SATB1: variants seen among roughly 807,000 people sequenced by gnomAD.
SATB1 encodes DNA-binding protein SATB1.
In SATB1, 11 loss-of-function variants were observed where a neutral mutation model predicts 86.9. The observed-to-expected ratio is 0.13, with a 90% confidence interval of 0.08 to 0.21. The LOEUF is 0.21. Ranked by LOEUF, SATB1 falls within the 10% of genes least tolerant of loss-of-function variation. The pLI, the probability that SATB1 is intolerant of heterozygous loss-of-function variation, is 1.00. For missense variants in SATB1, 551 were observed against 937.6 expected (o/e 0.59, Z 5.39); for synonymous variants, 357 against 357.2 (o/e 1.00, Z 0.01).
chr3:18,443,167 G>A (rs1002456387), upstream of SATB1, among the ~76,000 whole-genome samples: 6 of 152,214 alleles, frequency 3.9e-5, no homozygotes, highest in Non-Finnish European at 1.5e-5. This position sits in a 1 kb window ranked among gnomAD's most constrained non-coding sequence, Gnocchi z 4.4. Context: ...TACTCTGTCA[G>A]CAGTACAAAC....
chr3:18,392,653 TAACTC>T (rs918137921), intron 7 of SATB1, among the ~76,000 whole-genome samples: 4 of 151,964 alleles, frequency 2.6e-5, no homozygotes, highest in Non-Finnish European at 1.5e-5. Flanking sequence ...TGTGGGCTTT[TAACTC>T]AATTCAAAAA....
intron 9 of SATB1, among the ~76,000 whole-genome samples, chr3:18,366,527 A>G (rs781675637): frequency 1.3e-5 from 2 of 152,212 alleles, no homozygotes; most frequent in Non-Finnish European, 2.9e-5. Flanking sequence ...CAAACAAAAA[A>G]GAGACATATT....
At chr3:18,407,346 AT>A (rs1363727522) in intron 5 of SATB1, among the ~76,000 whole-genome samples, 1 of 151,832 alleles carries the variant, frequency 6.6e-6, no homozygotes, top group Non-Finnish European at 1.5e-5. Flanking sequence ...TAGTCTTTTA[AT>A]TTTTTCACAA....
At chr3:18,366,463 A>G (rs1351154487) in intron 9 of SATB1, among the ~76,000 whole-genome samples, 1 of 152,066 alleles carries the variant, frequency 6.6e-6, no homozygotes, top group Non-Finnish European at 1.5e-5. Context: ...CAATCAATCA[A>G]TCAATCAATC....
At chr3:18,390,467 C>T (rs1011065965) in intron 7 of SATB1, among the ~76,000 whole-genome samples, 5 of 152,298 alleles carry the variant, frequency 3.3e-5, no homozygotes, top group African/African-American at 9.6e-5. Context: ...TTATCTCTGT[C>T]GTTTGGCAGG....
chr3:18,370,514 GC>G (rs1376190607), intron 9 of SATB1, among the ~76,000 whole-genome samples: 521 of 13,250 alleles, frequency 0.039, 5 homozygotes, highest in Non-Finnish European at 0.06. Flanking sequence ...ACTGAGAGAG[GC>G]AAAAAAAAAA....
chr3:18,428,101 G>A (rs1023881923), upstream of SATB1, among the ~76,000 whole-genome samples: 1 of 152,150 alleles, frequency 6.6e-6, no homozygotes, highest in South Asian at 2.1e-4. Context: ...ACCTGAAATT[G>A]GGTAATTTAT....
At chr3:18,385,161 G>A (rs929315927) in intron 8 of SATB1, among the ~76,000 whole-genome samples, 10 of 152,240 alleles carry the variant, frequency 6.6e-5, no homozygotes, top group African/African-American at 2.4e-4. Context: ...ACATGAAAAT[G>A]TATAACCACT....
chr3:18,376,033 T>C (rs1695733149), intron 9 of SATB1, among the ~76,000 whole-genome samples: 1 of 152,128 alleles, frequency 6.6e-6, no homozygotes, highest in African/African-American at 2.4e-5. Context: ...CTTATTTACA[T>C]TGCTGAAATA....
chr3:18,357,615 G>A (rs1239224735), intron 9 of SATB1, among the ~76,000 whole-genome samples: 1 of 148,526 alleles, frequency 6.7e-6, no homozygotes, highest in East Asian at 2.0e-4. Flanking sequence ...TGTTCTACAA[G>A]CTGGGGGAAA....
At position 18,363,942 on chromosome 3, in the gene SATB1, G is replaced by A. The variant is rs528744925; in HGVS notation, c.1576-11747C>T. 2.0e-5 allele frequency among the ~76,000 whole-genome samples: 3 copies of A among 152,284 alleles called. No homozygotes were observed. The South Asian group carries it at 6.2e-4, about 32-fold the overall frequency. On this transcript the variant is annotated intron_variant, in intron 9 of 10. Coordinates refer to ENST00000338745, the MANE Select transcript of SATB1 (RefSeq NM_002971.6). ...TGCATGTGGGCATGCGAATATCAGA[G>A]AAAAGGTTGTCTGGAAGGTTTCTGT...
rs777966686 is a variant in SATB1, at chr3:18,352,277, C to A, written c.1576-82G>T. 6 of 1,238,678 alleles carry A rather than the reference C, an allele frequency of 4.8e-6. No individual in the cohort carries two copies. The Admixed American group carries it at 7.9e-5, about 16-fold the overall frequency. The allele number at this position is 1,238,678 out of a possible 1,614,324, so 76.7% of individuals were successfully genotyped here. ...CCATTAGGAGCTAAAAAGGAAAAAC[C>A]CTATGAATTAACTTTTTCATAAGCT... is the stretch of plus-strand genomic sequence containing the variant. On this transcript the variant is annotated intron_variant, in intron 9 of 10. Transcript: ENST00000338745. This position sits in a 1 kb window ranked among gnomAD's most constrained non-coding sequence, Gnocchi z 4.1.
Position 18,444,057 on chromosome 3 carries a change from C to G in SATB1, c.-25+1461G>C, listed in dbSNP as rs1699311889. On this transcript the variant is annotated intron_variant, in intron 1 of 3. Coordinates refer to the SATB1 transcript ENST00000415069. This position sits in a 1 kb window ranked among gnomAD's most constrained non-coding sequence, Gnocchi z 5.1. ...CTCTTCGCCGATGCTTACAATCAGC[C>G]GCGCAGGCAGGGAGCGGAGGGAGGC... is the stretch of plus-strand genomic sequence containing the variant. Among the ~76,000 whole-genome samples, 1 of 152,140 alleles carries G rather than the reference C, an allele frequency of 6.6e-6. No individual in the cohort carries two copies. The highest frequency in any genetic ancestry group is 6.5e-5 in the Admixed American group (1 of 15,274).
chr3:18,427,039 C>G (rs1415191362), upstream of SATB1, among the ~76,000 whole-genome samples: 2 of 152,132 alleles, frequency 1.3e-5, no homozygotes, highest in Non-Finnish European at 2.9e-5. Flanking sequence ...AAACCCAAGC[C>G]TTGAGCAAAA....
intron 6 of SATB1, 131 bp downstream of exon 6, chr3:18,397,048 C>A: frequency 1.6e-6 from 1 of 629,494 alleles, no homozygotes; most frequent in South Asian, 1.9e-5. Context: ...CCACTTCCCA[C>A]CCCCAAAGAA....
At chr3:18,353,734 A>G (rs1030032976) in intron 9 of SATB1, among the ~76,000 whole-genome samples, 5 of 152,212 alleles carry the variant, frequency 3.3e-5, no homozygotes, top group Non-Finnish European at 5.9e-5. Flanking sequence ...CCTCCTTGAA[A>G]TATTTTAAAA....
At chr3:18,433,155 A>G (rs1212931436) in intron 2 of SATB1, among the ~76,000 whole-genome samples, 1 of 152,216 alleles carries the variant, frequency 6.6e-6, no homozygotes, top group African/African-American at 2.4e-5. Flanking sequence ...AGAAAGGCGC[A>G]TAGACAAAAA....
intron 2 of SATB1, among the ~76,000 whole-genome samples, chr3:18,433,800 T>C (rs947024282): frequency 6.2e-4 from 94 of 152,096 alleles, no homozygotes; most frequent in African/African-American, 2.2e-3. Context: ...TCTTTATTAA[T>C]GTGTTCATTT....
In SATB1 at chr3:18,363,860, G is replaced by GA. The variant is rs199909886; in HGVS notation, c.1576-11666dup. 3.5e-3 allele frequency among the ~76,000 whole-genome samples: 531 copies of GA among 150,830 alleles called. 2 individuals are homozygous for GA. Among genetic ancestry groups the GA allele is most frequent in the African/African-American group, 0.011 (464 of 41,140 alleles). ...ACTAAAGGTATAGTTAGTTCAATTG[G>GA]AAAAAAAAATGTCTAATCTAAAAGC... On this transcript the variant is annotated intron_variant, in intron 9 of 10. Coordinates refer to ENST00000338745, the MANE Select transcript of SATB1 (RefSeq NM_002971.6).
Sources: allele counts gnomAD v4.1 joint callset (sites outside exome capture counted in the v4.1 genomes callset), GRCh38; gene constraint gnomAD v4.1.1; non-coding constraint Gnocchi (gnomAD v3.1); transcripts MANE v1.5; gene names NCBI Gene and HGNC (gene_info 2026-07-23, HGNC 2026-07-21).